The following CIMAP3 variants were observed in gnomAD, a reference collection of about 807,000 sequenced individuals.
The protein encoded by CIMAP3 is ciliary microtubule associated protein 3, also known as ciliary microtubule-associated protein 3.
the CIMAP3 span, among the ~76,000 whole-genome samples, chr1:111,338,842 T>C: frequency 2.0e-5 from 3 of 152,162 alleles, no homozygotes; most frequent in Non-Finnish European, 2.9e-5. Context: ...GAATCCTCCC[T>C]AACTCATTTT....
chr1:111,345,644 A>C, the CIMAP3 span, among the ~76,000 whole-genome samples: 2 of 152,200 alleles, frequency 1.3e-5, no homozygotes, highest in Non-Finnish European at 1.5e-5. Context: ...GGCTGTCCTA[A>C]CGCGGAGTAT....
chr1:111,333,433 C>T, the CIMAP3 span, among the ~76,000 whole-genome samples: 2 of 152,148 alleles, frequency 1.3e-5, no homozygotes, highest in Non-Finnish European at 2.9e-5. Context: ...AGCAGCTTGG[C>T]TGATAGAGGG....
the CIMAP3 span, among the ~76,000 whole-genome samples, chr1:111,350,849 A>G: frequency 6.6e-6 from 1 of 152,372 alleles, no homozygotes; most frequent in African/African-American, 2.4e-5. Context: ...TAATTGTTCA[A>G]TCTGTTAGCT....
At chr1:111,347,005 C>T in the CIMAP3 span, 1 of 1,614,024 alleles carries the variant, frequency 6.2e-7, no homozygotes. Context: ...GTTTGTCCCT[C>T]TTAGGGGATC....
chr1:111,350,158 A>G, the CIMAP3 span: 80 of 1,614,012 alleles, frequency 5.0e-5, no homozygotes, highest in East Asian at 1.3e-4. Flanking sequence ...TGCCTGGCCA[A>G]TGAAATTTGG....
the CIMAP3 span, chr1:111,346,953 AC>A: frequency 6.2e-7 from 1 of 1,613,886 alleles, no homozygotes; most frequent in South Asian, 1.1e-5. Flanking sequence ...AACAGAGGAA[AC>A]TTTTTCCTCA....
the CIMAP3 span, chr1:111,348,343 C>T: frequency 2.0e-5 from 12 of 588,632 alleles, no homozygotes; most frequent in Non-Finnish European, 3.1e-5. Context: ...CTGAACCACA[C>T]CCGTATCTCG....
chr1:111,342,164 G>A, the CIMAP3 span, among the ~76,000 whole-genome samples: 1 of 152,088 alleles, frequency 6.6e-6, no homozygotes, highest in Non-Finnish European at 1.5e-5. Context: ...TCCTAAAAGC[G>A]GCAAGAGAAA....
the CIMAP3 span, among the ~76,000 whole-genome samples, chr1:111,343,429 C>T: frequency 1.3e-5 from 2 of 152,182 alleles, no homozygotes; most frequent in Admixed American, 6.5e-5. Context: ...TCTCCATAAA[C>T]ATCTGGCATC....
At chr1:111,326,556 A>G in the CIMAP3 span, among the ~76,000 whole-genome samples, 5 of 152,034 alleles carry the variant, frequency 3.3e-5, no homozygotes, top group African/African-American at 1.2e-4. Context: ...TGTTTGTTTT[A>G]TATCTTTACA....
the CIMAP3 span, chr1:111,346,659 T>A: frequency 6.2e-7 from 1 of 1,613,968 alleles, no homozygotes; most frequent in Non-Finnish European, 8.5e-7. Flanking sequence ...CGCGATGTGC[T>A]TCAGCAGAGC....
chr1:111,328,698 T>C, the CIMAP3 span, among the ~76,000 whole-genome samples: 1 of 152,258 alleles, frequency 6.6e-6, no homozygotes, highest in East Asian at 1.9e-4. Flanking sequence ...TCCATTTACT[T>C]GATGGATTTT....
At chr1:111,330,432 G>T in the CIMAP3 span, among the ~76,000 whole-genome samples, 1 of 152,180 alleles carries the variant, frequency 6.6e-6, no homozygotes, top group East Asian at 1.9e-4. Flanking sequence ...CTTGCCTCTG[G>T]TTTCAGAGGG....
At chr1:111,338,935 A>C in the CIMAP3 span, among the ~76,000 whole-genome samples, 2 of 152,150 alleles carry the variant, frequency 1.3e-5, no homozygotes, top group African/African-American at 4.8e-5. Flanking sequence ...CCTTGATGAA[A>C]TTTGATGCAA....
chr1:111,347,618 C>CTTTTTTTTTTTTTTTTTTTGTTTTTT, the CIMAP3 span: 1 of 928,430 alleles, frequency 1.1e-6, no homozygotes, highest in South Asian at 1.9e-5. Context: ...GTTGTTTTTT[C>CTTTTTTTTTTTTTTTTTTTGTTTTTT]TTTCTTTTTT....
the CIMAP3 span, among the ~76,000 whole-genome samples, chr1:111,345,154 A>G: frequency 1.3e-5 from 2 of 152,338 alleles, no homozygotes; most frequent in African/African-American, 4.8e-5. Flanking sequence ...CATTTCTTAG[A>G]AAACATCCTC....
the CIMAP3 span, among the ~76,000 whole-genome samples, chr1:111,341,500 C>G: frequency 6.6e-6 from 1 of 152,232 alleles, no homozygotes; most frequent in South Asian, 2.1e-4. Context: ...ACGGGCCCAC[C>G]AAATCTTGCT....
At chr1:111,337,328 A>G in the CIMAP3 span, among the ~76,000 whole-genome samples, 1 of 152,214 alleles carries the variant, frequency 6.6e-6, no homozygotes, top group African/African-American at 2.4e-5. Flanking sequence ...TAATGACAGG[A>G]TCAAATTCAC....
chr1:111,349,752 C>T, the CIMAP3 span: 70 of 170,922 alleles, frequency 4.1e-4, no homozygotes, highest in African/African-American at 7.1e-5. Flanking sequence ...TTATCACCAA[C>T]TTTAAATTGT....
Sources: gnomAD v4.1 joint callset for allele counts (sites outside exome capture counted in the v4.1 genomes callset) on GRCh38, gnomAD v4.1.1 for gene constraint, MANE v1.5 for transcripts, NCBI Gene and HGNC (gene_info 2026-07-23, HGNC 2026-07-21) for gene names.